The following RNF169 variants were observed in gnomAD, a reference collection of about 807,000 sequenced individuals.
RNF169 encodes E3 ubiquitin-protein ligase RNF169.
Under a neutral mutation model 53.9 loss-of-function variants are expected in RNF169, and 24 were observed. The observed-to-expected ratio is 0.45, with a 90% CI of 0.32 to 0.63. The LOEUF is 0.63. Among genes scored for constraint, RNF169 ranks in the 20% least tolerant of loss-of-function variants. The pLI is 0.04. For missense variants in RNF169, 883 were observed against 906.2 expected (o/e 0.97, Z 0.33); for synonymous variants, 396 against 363.5 (o/e 1.09, Z -1.02).
intron 2 of RNF169, among the ~76,000 whole-genome samples, chr11:74,797,787 C>T (rs975649729): frequency 2.6e-5 from 4 of 152,152 alleles, no homozygotes; most frequent in Admixed American, 1.3e-4. Context: ...CGAGACCAGC[C>T]TGGGCAATAT....
intron 1 of RNF169, among the ~76,000 whole-genome samples, chr11:74,758,764 A>G (rs918060864): frequency 2.0e-5 from 3 of 152,140 alleles, no homozygotes; most frequent in Non-Finnish European, 2.9e-5. Flanking sequence ...TTGGCCTCCC[A>G]AAGTGCTGGG....
intron 1 of RNF169, among the ~76,000 whole-genome samples, chr11:74,752,520 C>G (rs1320086802): frequency 6.6e-6 from 1 of 151,092 alleles, no homozygotes; most frequent in African/African-American, 2.4e-5. Flanking sequence ...TCGCTTGAAC[C>G]TGGGAGGCGT....
At chr11:74,752,368 G>A (rs1423844017) in intron 1 of RNF169, among the ~76,000 whole-genome samples, 1 of 152,004 alleles carries the variant, frequency 6.6e-6, no homozygotes, top group Non-Finnish European at 1.5e-5. Flanking sequence ...AGGCTAAGGC[G>A]GGCGGATCAC....
rs2036293180 is a variant in RNF169, at chr11:74,838,625, G to A, written c.*1895G>A. ...TATGCATTCTGTGTTCTCTGTGTGTGTGCACATATGCAGATGTATGTTTTA... is the reference window on the plus strand; with the variant it reads ...TATGCATTCTGTGTTCTCTGTGTGTATGCACATATGCAGATGTATGTTTTA... On this transcript the variant is annotated 3_prime_UTR_variant, in exon 6 of 6. Transcript: ENST00000299563. 1.3e-5 allele frequency: 2 copies of A among 152,236 alleles called. No homozygotes were observed. Among genetic ancestry groups the A allele is most frequent in the Admixed American group, 1.3e-4 (2 of 15,282 alleles). 9.4% of individuals were successfully genotyped at this position (152,236 alleles called of 1,614,324 possible).
intron 2 of RNF169, among the ~76,000 whole-genome samples, chr11:74,806,792 T>G (rs1337326461): frequency 1.3e-5 from 2 of 152,112 alleles, no homozygotes; most frequent in African/African-American, 4.8e-5. Flanking sequence ...CATAGTTCAC[T>G]CACTTTTGGG....
intron 4 of RNF169, chr11:74,832,553 G>T (rs1243783580): frequency 6.6e-6 from 1 of 152,102 alleles, no homozygotes; most frequent in Non-Finnish European, 1.5e-5. Context: ...TGGAACTTAA[G>T]GTCTAGATCC....
At position 74,839,917 on chromosome 11, in the gene RNF169, A is replaced by C. The variant is rs374341135; in HGVS notation, c.*3187A>C. 3.3e-5 allele frequency: 5 copies of C among 151,666 alleles called. No homozygotes were observed. The highest frequency in any genetic ancestry group is 1.2e-4 in the African/African-American group (5 of 41,270). The allele number at this position is 151,666 out of a possible 1,614,324, so 9.4% of individuals were successfully genotyped here. ...TTCTTGGGTGAGGCTTGCCAGGGAA[A>C]CTCCTAAGTGGCTTCACTTATTTTT... On this transcript the variant is annotated 3_prime_UTR_variant, in exon 6 of 6. Transcript: ENST00000299563.
chr11:74,812,571 G>A (rs2035889105), intron 3 of RNF169, among the ~76,000 whole-genome samples: 1 of 151,940 alleles, frequency 6.6e-6, no homozygotes, highest in South Asian at 2.1e-4. Flanking sequence ...TTTCCAAAGT[G>A]TGGGATTACA....
chr11:74,804,577 C>T (rs2035779201), intron 2 of RNF169, among the ~76,000 whole-genome samples: 2 of 152,114 alleles, frequency 1.3e-5, no homozygotes, highest in Non-Finnish European at 2.9e-5. Flanking sequence ...GGGTAATTAC[C>T]TTGCTTGTTT....
intron 1 of RNF169, among the ~76,000 whole-genome samples, chr11:74,778,672 G>A (rs185187259): frequency 3.2e-4 from 48 of 152,302 alleles, no homozygotes; most frequent in African/African-American, 1.1e-3. Context: ...AATTTCTATA[G>A]TATTTTTACG....
In RNF169 at chr11:74,835,969, G is replaced by T. The variant is rs1394870860; in HGVS notation, c.1366G>T (p.Ala456Ser). ...TLSKATLTSL[A>S]PEMGEELLGS... ...TTCAAAAGCCACTCTTACCTCTCTGGCTCCTGAAATGGGGGAAGAGTTACT... is the reference window on the plus strand; with the variant it reads ...TTCAAAAGCCACTCTTACCTCTCTGTCTCCTGAAATGGGGGAAGAGTTACT... The change falls in exon 6 of 6, where the codon GCT becomes TCT. Residue 456 changes from alanine (A) to serine (S), a missense_variant. This residue lies in a region of RNF169 where 351 missense variants were observed against 337.3 expected (regional missense o/e 1.04). Transcript: ENST00000299563. 2 of 1,614,162 alleles carry T rather than the reference G, an allele frequency of 1.2e-6. No homozygotes were observed. The highest frequency in any genetic ancestry group is 2.2e-5 in the South Asian group (2 of 91,086).
chr11:74,749,144 C>T lies in RNF169; in HGVS notation c.264C>T (p.Cys88=), dbSNP rs1304842611. 3.8e-5 allele frequency: 49 copies of T among 1,305,862 alleles called. No individual in the cohort carries two copies. Among genetic ancestry groups the T allele is most frequent in the Non-Finnish European group, 4.6e-5 (47 of 1,026,866 alleles). The allele number at this position is 1,305,862 out of a possible 1,614,324, so 80.9% of individuals were successfully genotyped here. ...AAALPCGHSL[C]RGCAQRAADA... is the part of the protein sequence containing the mutation. ...CCCTGCCGTGCGGCCACTCGCTTTGCCGAGGCTGCGCCCAACGCGCCGCCG... is the reference window on the plus strand; with the variant it reads ...CCCTGCCGTGCGGCCACTCGCTTTGTCGAGGCTGCGCCCAACGCGCCGCCG... Residue 88 remains cysteine, a synonymous_variant, in exon 1 of 6, where the codon TGC becomes TGT. Transcript: ENST00000299563.
rs575358025 is a variant in RNF169, at chr11:74,749,637, CAG to C, written c.502+257_502+258del. ...CGTAAGTCCGAAGTTTGGAGGGAAA[CAG>C]AATTGTTGGAACAAGTTAGGGGCAG... On this transcript the variant is annotated intron_variant, in intron 1 of 5. Coordinates refer to ENST00000299563, the MANE Select transcript of RNF169 (RefSeq NM_001098638.2). Among the ~76,000 whole-genome samples, 60 of 152,264 alleles carry C rather than the reference CAG, an allele frequency of 3.9e-4. No individual in the cohort carries two copies. The East Asian group carries it at 8.5e-3, about 22-fold the overall frequency.
chr11:74,750,970 G>A (rs1333957766), intron 1 of RNF169, among the ~76,000 whole-genome samples: 1 of 147,318 alleles, frequency 6.8e-6, no homozygotes, highest in Non-Finnish European at 1.5e-5. Context: ...TGCCTCCCAG[G>A]TTCAAGCGAT....
At position 74,762,133 on chromosome 11, in the gene RNF169, A is replaced by G. The variant is rs1346457073; in HGVS notation, c.502+12751A>G. 3.7e-4 allele frequency among the ~76,000 whole-genome samples: 56 copies of G among 149,368 alleles called. 1 individual carries two copies. Among genetic ancestry groups the G allele is most frequent in the South Asian group, 8.5e-4 (4 of 4,720 alleles). On this transcript the variant is annotated intron_variant, in intron 1 of 5. Transcript: ENST00000299563. ...CTTCTGCATTCTTCATGTAGTTCTC[A>G]AGCCTTGGTTTTCAGCTCCATCAGC...
At chr11:74,772,292 C>T (rs902720850) in intron 1 of RNF169, among the ~76,000 whole-genome samples, 11 of 152,022 alleles carry the variant, frequency 7.2e-5, no homozygotes, top group African/African-American at 1.7e-4. Context: ...TCTCATTGAC[C>T]GTGACAAAGC....
chr11:74,755,506 A>G (rs544486061), intron 1 of RNF169, among the ~76,000 whole-genome samples: 5 of 152,264 alleles, frequency 3.3e-5, no homozygotes, highest in Non-Finnish European at 7.3e-5. Flanking sequence ...AAGATGATGC[A>G]ATAAAAAAAG....
rs2036333140 is a variant in RNF169 at position 74,840,194 on chromosome 11, G to A, written c.*3464G>A. The A allele has an allele frequency of 6.6e-6, 1 of 152,188 alleles. No individual in the cohort carries two copies. The highest frequency in any genetic ancestry group is 6.5e-5 in the Admixed American group (1 of 15,280). 9.4% of individuals were successfully genotyped at this position (152,188 alleles called of 1,614,324 possible). On this transcript the variant is annotated 3_prime_UTR_variant, in exon 6 of 6. Coordinates refer to ENST00000299563, the MANE Select transcript of RNF169 (RefSeq NM_001098638.2). ...GACATTTACTGAGCTTCAGACTTGA[G>A]CCAACCCTGAGCTGGACTGTGGAGA... is the stretch of plus-strand genomic sequence containing the variant.
rs2036312239 is a variant in RNF169 at position 74,839,495 on chromosome 11, T to C, written c.*2765T>C. 1 of 152,170 alleles carries C rather than the reference T, an allele frequency of 6.6e-6. No individual in the cohort carries two copies. Among genetic ancestry groups the C allele is most frequent in the African/African-American group, 2.4e-5 (1 of 41,444 alleles). 9.4% of individuals were successfully genotyped at this position (152,170 alleles called of 1,614,324 possible). On this transcript the variant is annotated 3_prime_UTR_variant, in exon 6 of 6. Transcript: ENST00000299563. ...AAGGACAAGGAAGGAAACAGAACGA[T>C]GGGAAGGGTTTGTGAGCTAGAATAA...
Sources: gnomAD v4.1 joint callset for allele counts (sites outside exome capture counted in the v4.1 genomes callset) on GRCh38, gnomAD v4.1.1 for gene constraint, gnomAD v4.1.1 regional missense constraint, MANE v1.5 for transcripts, NCBI Gene and HGNC (gene_info 2026-07-23, HGNC 2026-07-21) for gene names.